C12orf56: variants seen among roughly 807,000 people sequenced by gnomAD.
C12orf56 encodes the protein uncharacterized protein C12orf56.
C12orf56 carries 71 observed loss-of-function variants against 69.9 expected under a neutral mutation model. The ratio of observed to expected loss-of-function variants is 1.02; its 90% CI spans 0.84 to 1.24. The LOEUF (loss-of-function observed/expected upper bound fraction) is 1.24, where lower values mean the gene tolerates loss of function less well. Among genes scored for constraint, C12orf56 ranks in the 50% most tolerant of loss-of-function variants. The pLI is 0.00. For missense variants in C12orf56, 732 were observed against 738.5 expected (o/e 0.99, Z 0.10); for synonymous variants, 276 against 274.1 (o/e 1.01, Z -0.07).
In C12orf56 at chr12:64,303,919, C is replaced by T. The variant is rs2038479712; in HGVS notation, c.969-140G>A. 7 of 1,009,770 alleles carry T rather than the reference C, an allele frequency of 6.9e-6. No individual in the cohort carries two copies. In the South Asian group the frequency reaches 9.1e-5, roughly 13 times the overall value. The allele number at this position is 1,009,770 out of a possible 1,614,324, so 62.6% of individuals were successfully genotyped here. ...TAGTTTTATTCTCCTAGCCTTAATA[C>T]TCACCAGTAGTGAAACTTGCTCCCC... On this transcript the variant is annotated intron_variant, in intron 5 of 12. Transcript: ENST00000543942.
At chr12:64,389,897 C>G (rs868252087) in intron 1 of C12orf56, among the ~76,000 whole-genome samples, 1 of 152,254 alleles carries the variant, frequency 6.6e-6, no homozygotes, top group East Asian at 1.9e-4. Flanking sequence ...TTTATTTGCA[C>G]GGGTGTTGGC....
At chr12:64,272,673 G>A (rs2038005639) in intron 11 of C12orf56, among the ~76,000 whole-genome samples, 1 of 94,580 alleles carries the variant, frequency 1.1e-5, no homozygotes, top group African/African-American at 3.1e-5. Context: ...AGGGTCTGCA[G>A]CCACCACACA....
intron 1 of C12orf56, among the ~76,000 whole-genome samples, chr12:64,389,580 T>G (rs960797448): frequency 2.0e-5 from 3 of 152,146 alleles, no homozygotes; most frequent in African/African-American, 7.2e-5. Context: ...CACGGCAACC[T>G]CCGCCTCCCA....
chr12:64,375,820 G>A (rs989835876), intron 1 of C12orf56, among the ~76,000 whole-genome samples: 8 of 152,086 alleles, frequency 5.3e-5, no homozygotes, highest in African/African-American at 1.7e-4. Context: ...ATGCAACAAC[G>A]AACAGTTTTT....
intron 7 of C12orf56, among the ~76,000 whole-genome samples, chr12:64,284,995 A>T (rs1293905865): frequency 2.0e-5 from 3 of 152,158 alleles, no homozygotes; most frequent in Admixed American, 1.3e-4. Flanking sequence ...CTCATGCTGT[A>T]ATCCCAGCAC....
At chr12:64,380,135 C>CAAAAAAAA (rs796914776) in intron 1 of C12orf56, among the ~76,000 whole-genome samples, 1 of 43,264 alleles carries the variant, frequency 2.3e-5, no homozygotes, top group African/African-American at 6.2e-5. Context: ...AAAAAAAAAA[C>CAAAAAAAA]AAAACAAACA....
chr12:64,382,440 A>G (rs1592506423), intron 1 of C12orf56, among the ~76,000 whole-genome samples: 2 of 152,220 alleles, frequency 1.3e-5, no homozygotes, highest in East Asian at 1.9e-4. Flanking sequence ...GCCTTAATAG[A>G]CTTAATATAT....
intron 3 of C12orf56, among the ~76,000 whole-genome samples, chr12:64,326,807 A>C (rs933409334): frequency 2.0e-5 from 3 of 152,134 alleles, no homozygotes; most frequent in African/African-American, 7.2e-5. Context: ...CATAAAATTT[A>C]GAGGAAGAAC....
chr12:64,338,866 C>T (rs2039033720), intron 2 of C12orf56: 2 of 685,984 alleles, frequency 2.9e-6, no homozygotes, highest in South Asian at 1.6e-5. Context: ...GAGGAATGGG[C>T]AGAGGAAACC....
chr12:64,302,105 C>A (rs923033287), intron 6 of C12orf56, among the ~76,000 whole-genome samples: 4 of 152,130 alleles, frequency 2.6e-5, no homozygotes, highest in Non-Finnish European at 5.9e-5. Context: ...TTTATTTACC[C>A]TTTCCACATG....
At chr12:64,310,913 C>T (rs1202491333) in intron 5 of C12orf56, among the ~76,000 whole-genome samples, 1 of 151,734 alleles carries the variant, frequency 6.6e-6, no homozygotes, top group Middle Eastern at 3.2e-3. Context: ...GTCCCCCTTC[C>T]TGTGTCCAAG....
chr12:64,308,938 AAGAAGAAAG>A (rs1565748924), intron 5 of C12orf56, among the ~76,000 whole-genome samples: 33 of 40,030 alleles, frequency 8.2e-4, no homozygotes, highest in African/African-American at 2.6e-3. Flanking sequence ...GAAAGAAAGA[AAGAAGAAAG>A]AAAGAAAGAA....
At chr12:64,338,486 A>G in intron 2 of C12orf56, 1 of 944,512 alleles carries the variant, frequency 1.1e-6, no homozygotes, top group Non-Finnish European at 1.8e-6. Context: ...GCAACAAACA[A>G]TCATTCAGGG....
In C12orf56 at chr12:64,301,380, T is replaced by C. The variant is rs1445621278; in HGVS notation, c.1113+2255A>G. On this transcript the variant is annotated intron_variant, in intron 6 of 12. Transcript: ENST00000543942. ...AATTAAACAAGTTTTACTGGGGGTC[T>C]GAAGAAACTCCTCAGGCCGCCACAA... 2.0e-5 allele frequency among the ~76,000 whole-genome samples: 3 copies of C among 152,260 alleles called. No homozygotes were observed. The East Asian group carries it at 5.8e-4, about 29-fold the overall frequency.
At chr12:64,294,653 G>T (rs2136786536) in intron 6 of C12orf56, among the ~76,000 whole-genome samples, 1 of 152,214 alleles carries the variant, frequency 6.6e-6, no homozygotes, top group South Asian at 2.1e-4. Flanking sequence ...GTAGAATGGT[G>T]GTTTCCAGGG....
chr12:64,296,741 AAC>A (rs2136790187), intron 6 of C12orf56, among the ~76,000 whole-genome samples: 1 of 152,346 alleles, frequency 6.6e-6, no homozygotes, highest in South Asian at 2.1e-4. Context: ...TCCCCAATGC[AAC>A]AGTGTTGAGA....
chr12:64,308,047 G>A (rs967219149), intron 5 of C12orf56, among the ~76,000 whole-genome samples: 9 of 151,956 alleles, frequency 5.9e-5, no homozygotes, highest in Admixed American at 1.3e-4. Flanking sequence ...GGCTGGGCGC[G>A]GTGGCTCGTG....
chr12:64,367,758 C>G (rs1338395786), intron 1 of C12orf56, among the ~76,000 whole-genome samples: 3 of 151,506 alleles, frequency 2.0e-5, no homozygotes, highest in Non-Finnish European at 4.4e-5. Flanking sequence ...CCTGCCGCAG[C>G]CTCCCAAAGT....
At chr12:64,294,125 C>T (rs1316387863) in intron 6 of C12orf56, among the ~76,000 whole-genome samples, 1 of 151,588 alleles carries the variant, frequency 6.6e-6, no homozygotes, top group Non-Finnish European at 1.5e-5. Flanking sequence ...CTCAAAAGTA[C>T]AATGAGATAT....
Sources: allele counts gnomAD v4.1 joint callset (sites outside exome capture counted in the v4.1 genomes callset), GRCh38; gene constraint gnomAD v4.1.1; transcripts MANE v1.5; gene names NCBI Gene and HGNC (gene_info 2026-07-23, HGNC 2026-07-21).